OTUD5: variants seen among roughly 807,000 people sequenced by gnomAD.
OTUD5 encodes the protein OTU deubiquitinase 5, also known as OTU domain-containing protein 5.
A neutral mutation model predicts 36.3 loss-of-function variants in OTUD5; 2 were observed. The ratio of observed to expected loss-of-function variants is 0.06; its 90% CI spans 0.02 to 0.17. The LOEUF is 0.17. OTUD5 is among the 10% of genes least tolerant of loss of function. The pLI is 1.00. For synonymous variants in OTUD5, 234 were observed against 214.9 expected, an observed-to-expected ratio of 1.09 and a Z score of -0.78; for missense variants, 233 against 512.3, an observed-to-expected ratio of 0.45 and a Z score of 5.26.
In OTUD5 at chrX:48,956,970, C is replaced by T; in HGVS notation, c.594+7G>A. The T allele has an allele frequency of 8.6e-7, 1 of 1,164,307 alleles. No homozygotes were observed. Among genetic ancestry groups the T allele is most frequent in the Non-Finnish European group, 1.1e-6 (1 of 871,727 alleles). ...TGGCCGCTCACCCCTCACCCCACAG[C>T]TCTTACCTGCTCGACAGTGGCAGGG... On this transcript the variant is annotated splice_region_variant and intron_variant, in intron 1 of 8. Transcript: ENST00000376488.
intron 8 of OTUD5, 36 bp from the exon 9 acceptor site, chrX:48,923,331 G>A: frequency 9.1e-7 from 1 of 1,104,758 alleles, no homozygotes; most frequent in Non-Finnish European, 1.2e-6. Context: ...GGATGATGGA[G>A]CGCTCTCAGC....
intron 1 of OTUD5, among the ~76,000 whole-genome samples, chrX:48,945,059 A>T (rs1277630993): frequency 9.1e-6 from 1 of 109,687 alleles, no homozygotes; most frequent in Non-Finnish European, 1.9e-5. Context: ...TAGAAGGCAA[A>T]AGTGTGCAAA....
intron 6 of OTUD5, among the ~76,000 whole-genome samples, chrX:48,925,608 T>C (rs981295038): frequency 1.6e-4 from 18 of 112,479 alleles, no homozygotes; most frequent in Non-Finnish European, 3.4e-4. Flanking sequence ...TATCCATTAT[T>C]CTCGTGTCAC....
chrX:48,950,537 C>CTTTT (rs781905691), intron 1 of OTUD5, among the ~76,000 whole-genome samples: 27 of 83,077 alleles, frequency 3.2e-4, no homozygotes, highest in Non-Finnish European at 4.6e-4. Context: ...TTCTCTCTCT[C>CTTTT]TTTTTTTTTT....
rs2147701465 is a variant in OTUD5 at position 48,957,080 on chromosome X, C to T, written c.491G>A (p.Gly164Asp). 3 of 1,181,595 alleles carry T rather than the reference C, an allele frequency of 2.5e-6. No homozygotes were observed. Among genetic ancestry groups the T allele is most frequent in the Non-Finnish European group, 3.4e-6 (3 of 882,454 alleles). The change falls in exon 1 of 9, where the codon GGC becomes GAC. Residue 164 changes from glycine (G) to aspartate (D), a missense_variant. By Grantham distance (94) the Gly-to-Asp change is moderately conservative. Coordinates refer to ENST00000376488, the MANE Select transcript of OTUD5 (RefSeq NM_001136157.2). ...QAPGVGAVGGGSPEREEVGAG... is the reference protein window; with the variant it reads ...QAPGVGAVGGDSPEREEVGAG... ...GCCGACCTCCTCACGCTCGGGACTGCCCCCGCCAACCGCGCCAACCCCGGG... is the reference window on the plus strand; with the variant it reads ...GCCGACCTCCTCACGCTCGGGACTGTCCCCGCCAACCGCGCCAACCCCGGG...
At chrX:48,952,241 A>T (rs1443599657) in intron 1 of OTUD5, among the ~76,000 whole-genome samples, 4 of 112,247 alleles carry the variant, frequency 3.6e-5, no homozygotes, top group African/African-American at 1.3e-4. Context: ...TTTACATGAA[A>T]CATCCAGAAC....
intron 6 of OTUD5, among the ~76,000 whole-genome samples, chrX:48,924,827 CAACT>C (rs1557047314): frequency 8.9e-6 from 1 of 112,203 alleles, no homozygotes; most frequent in Non-Finnish European, 1.9e-5. Context: ...TAGCACTTCC[CAACT>C]AATTTATTCA....
chrX:48,939,808 T>C (rs2063889626), intron 2 of OTUD5, among the ~76,000 whole-genome samples: 1 of 112,355 alleles, frequency 8.9e-6, no homozygotes, highest in South Asian at 3.6e-4. Context: ...AAGCAAGACA[T>C]GAGAGCCTGG....
upstream of OTUD5, chrX:48,958,338 T>C (rs2064294412): frequency 8.9e-6 from 1 of 112,789 alleles, no homozygotes; most frequent in South Asian, 3.6e-4. Flanking sequence ...CCGGAATGAC[T>C]GGAAAACATC....
chrX:48,928,620 A>G (rs1557048166), intron 5 of OTUD5, among the ~76,000 whole-genome samples: 1 of 110,997 alleles, frequency 9.0e-6, no homozygotes, highest in Non-Finnish European at 1.9e-5. Flanking sequence ...TGTCCCCAGG[A>G]ATTTGAGATT....
intron 1 of OTUD5, among the ~76,000 whole-genome samples, chrX:48,948,398 G>C (rs1240676353): frequency 8.9e-6 from 1 of 112,132 alleles, no homozygotes; most frequent in African/African-American, 3.2e-5. Flanking sequence ...AACAAAGGCA[G>C]AAAGAGAAAG....
intron 1 of OTUD5, among the ~76,000 whole-genome samples, chrX:48,950,776 C>G (rs2064126043): frequency 9.1e-6 from 1 of 109,334 alleles, no homozygotes; most frequent in African/African-American, 3.3e-5. Flanking sequence ...CTTGGCCAGG[C>G]TGGTCTTGAA....
chrX:48,952,119 G>C (rs1449768497), intron 1 of OTUD5, among the ~76,000 whole-genome samples: 2 of 112,139 alleles, frequency 1.8e-5, no homozygotes, highest in Non-Finnish European at 3.8e-5. Flanking sequence ...CTGTTATTCA[G>C]TAATAGAAAG....
intron 5 of OTUD5, among the ~76,000 whole-genome samples, chrX:48,929,248 C>T (rs1284789799): frequency 9.2e-6 from 1 of 108,763 alleles, no homozygotes; most frequent in African/African-American, 3.4e-5. Context: ...ATTAGCTGGG[C>T]GTGGTGGCGC....
At chrX:48,948,348 G>A (rs2064068960) in intron 1 of OTUD5, among the ~76,000 whole-genome samples, 1 of 111,566 alleles carries the variant, frequency 9.0e-6, no homozygotes, top group Non-Finnish European at 1.9e-5. Flanking sequence ...GCAAGACTAT[G>A]TCTCAAAAAC....
At chrX:48,940,508 G>A (rs2063901922) in intron 2 of OTUD5, 1 of 112,217 alleles carries the variant, frequency 8.9e-6, no homozygotes, top group African/African-American at 3.2e-5. Flanking sequence ...AGGCCCAGAA[G>A]AGTGGGCCTA....
chrX:48,930,791 T>C, intron 5 of OTUD5, among the ~76,000 whole-genome samples: 1 of 110,590 alleles, frequency 9.0e-6, no homozygotes, highest in Non-Finnish European at 1.9e-5. Context: ...TGAAACCCCA[T>C]CTCTACTAAA....
intron 2 of OTUD5, among the ~76,000 whole-genome samples, chrX:48,935,440 A>C (rs1245853233): frequency 9.0e-6 from 1 of 111,210 alleles, no homozygotes; most frequent in Non-Finnish European, 1.9e-5. Context: ...TCTGTGACAG[A>C]GTCAACTCTG....
chrX:48,945,415 C>T (rs973828484), intron 1 of OTUD5, among the ~76,000 whole-genome samples: 4 of 108,749 alleles, frequency 3.7e-5, no homozygotes, highest in African/African-American at 1.3e-4. Context: ...GGACTACAGG[C>T]GCCTGCCACC....
Sources: gnomAD v4.1 joint callset for allele counts (sites outside exome capture counted in the v4.1 genomes callset) on GRCh38, gnomAD v4.1.1 for gene constraint, MANE v1.5 for transcripts, NCBI Gene and HGNC (gene_info 2026-07-23, HGNC 2026-07-21) for gene names.